Variants in RUVBL2 observed in about 807,000 individuals in gnomAD.
RUVBL2 encodes RuvB like AAA ATPase 2.
Under a neutral mutation model 57.9 loss-of-function variants are expected in RUVBL2, and 9 were observed. The ratio of observed to expected loss-of-function variants is 0.16; its 90% CI spans 0.09 to 0.27. The LOEUF (loss-of-function observed/expected upper bound fraction) is 0.27, where lower values mean the gene tolerates loss of function less well. Ranked by LOEUF, RUVBL2 falls within the 10% of genes least tolerant of loss-of-function variation. RUVBL2 has a pLI of 1.00. For synonymous variants in RUVBL2, 278 were observed against 264.6 expected (o/e 1.05, Z -0.49); for missense variants, 456 against 669.6 (o/e 0.68, Z 3.52).
At chr19:49,014,640 G>C in intron 12 of RUVBL2, 37 bp downstream of exon 12, 1 of 1,612,026 alleles carries the variant, frequency 6.2e-7, no homozygotes, top group Non-Finnish European at 8.5e-7. Context: ...TGAGACGCAG[G>C]GCTGGGGTCT....
intron 1 of RUVBL2, among the ~76,000 whole-genome samples, chr19:48,997,586 G>A (rs1016733604): frequency 7.4e-5 from 11 of 147,706 alleles, no homozygotes; most frequent in African/African-American, 2.3e-4. Flanking sequence ...CCAAGATTGC[G>A]CCATTGCACT....
chr19:49,013,838 C>T (rs955292289), intron 11 of RUVBL2, among the ~76,000 whole-genome samples: 1 of 152,182 alleles, frequency 6.6e-6, no homozygotes, highest in African/African-American at 2.4e-5. Flanking sequence ...CGGTTGAACC[C>T]GGGAGGCGGA....
chr19:49,014,076 C>T (rs1201617554), intron 11 of RUVBL2, among the ~76,000 whole-genome samples: 4 of 152,216 alleles, frequency 2.6e-5, no homozygotes, highest in Non-Finnish European at 5.9e-5. Context: ...GGAGTGTTCA[C>T]GATGACTTTC....
rs1473283282 is a variant in RUVBL2 at position 49,011,989 on chromosome 19, T to C, written c.1001+679T>C. Among the ~76,000 whole-genome samples the C allele has an allele frequency of 1.3e-5, 2 of 152,150 alleles. No individual in the cohort carries two copies. The highest frequency in any genetic ancestry group is 4.8e-5 in the African/African-American group (2 of 41,424). On this transcript the variant is annotated intron_variant, in intron 11 of 14. Coordinates refer to ENST00000595090, the MANE Select transcript of RUVBL2 (RefSeq NM_006666.3). The surrounding 1 kb of genome is among the most constrained non-coding windows in gnomAD (Gnocchi z 4.4). ...CCTGCCACCATGCCCGCTGGCTGTC[T>C]TCTCCACCTCGCCACATTTTGGCCC...
At chr19:48,999,832 A>G (rs1456909964) in intron 2 of RUVBL2, among the ~76,000 whole-genome samples, 1 of 152,166 alleles carries the variant, frequency 6.6e-6, no homozygotes, top group Non-Finnish European at 1.5e-5. Context: ...TAGCCGCATG[A>G]GGTGCATATT....
intron 9 of RUVBL2, 27 bp from the exon 10 acceptor site, chr19:49,010,972 C>T: frequency 6.3e-7 from 1 of 1,598,104 alleles, no homozygotes; most frequent in South Asian, 1.1e-5. Context: ...TCTCTGGCTT[C>T]CCTGATGCAA....
intron 6 of RUVBL2, among the ~76,000 whole-genome samples, chr19:49,007,869 C>T (rs530543868): frequency 5.7e-4 from 86 of 152,146 alleles, no homozygotes; most frequent in African/African-American, 1.8e-3. Context: ...CCACCACGCC[C>T]GGCTAATTTT....
intron 8 of RUVBL2, 197 bp from the exon 9 acceptor site, chr19:49,010,291 C>A (rs893493186): frequency 1.5e-6 from 1 of 679,188 alleles, no homozygotes; most frequent in South Asian, 1.9e-5. Context: ...CCTCCGGGAG[C>A]CCCCGTGACC....
At chr19:48,993,546 T>C (rs2038986978), upstream of RUVBL2, 9 of 451,098 alleles carry the variant, frequency 2.0e-5, no homozygotes, top group Non-Finnish European at 4.1e-6. Context: ...AATCTGGAGC[T>C]GGAGGCCTCA....
rs2039131251 is a variant in RUVBL2, at chr19:48,999,346, C to T, written c.40C>T (p.Arg14Cys). Residue 14 changes from arginine (R) to cysteine (C), a missense_variant, in exon 2 of 15, where the codon CGT (arginine) becomes TGT (cysteine). By Grantham distance (180) the Arg-to-Cys change is radical. This residue lies in a region of RUVBL2 where 22 missense variants were observed against 23.9 expected (regional missense o/e 0.92). Transcript: ENST00000595090. ...AGCCACAACCAAAGTCCCGGAGATC[C>T]GTGATGTAACAAGGATTGAGCGAAT... ...VTATTKVPEI[R>C]DVTRIERIGA... The T allele has an allele frequency of 8.1e-6, 13 of 1,614,140 alleles. No homozygotes were observed. The highest frequency in any genetic ancestry group is 5.3e-5 in the African/African-American group (4 of 75,026).
At chr19:48,993,531 CTGTCAATCTG>C (rs1330405733), upstream of RUVBL2, 1 of 445,718 alleles carries the variant, frequency 2.2e-6, no homozygotes, top group South Asian at 2.2e-5. Context: ...GCCTTCAGCT[CTGTCAATCTG>C]GAGCTGGAGG....
chr19:49,001,002 T>C (rs2039167820), intron 2 of RUVBL2, among the ~76,000 whole-genome samples: 1 of 150,210 alleles, frequency 6.7e-6, no homozygotes, highest in Non-Finnish European at 1.5e-5. Flanking sequence ...AAAAAAAAAA[T>C]AAAAAAATTA....
chr19:49,010,622 T>TCCTGCCCTGCCCTGCCCTGCCCTGC lies in RUVBL2; in HGVS notation c.787+14_787+38dup. 1 of 1,613,156 alleles carries TCCTGCCCTGCCCTGCCCTGCCCTGC rather than the reference T, an allele frequency of 6.2e-7. No homozygotes were observed. ...TGGCGCTCTTCTCAGGTGAGGCCCC[T>TCCTGCCCTGCCCTGCCCTGCCCTGC]CCTGCCCTGCCCTGCCCTGCCCTGC... On this transcript the variant is annotated intron_variant, in intron 9 of 14. Coordinates refer to ENST00000595090, the MANE Select transcript of RUVBL2 (RefSeq NM_006666.3).
intron 4 of RUVBL2, among the ~76,000 whole-genome samples, chr19:49,006,437 G>GTGCC (rs1001678020): frequency 5.3e-5 from 8 of 152,204 alleles, no homozygotes; most frequent in African/African-American, 9.6e-5. Flanking sequence ...CTGAGCACCA[G>GTGCC]TGCCTGCCTG....
rs373122189 is a variant in RUVBL2 at position 49,011,309 on chromosome 19, C to A, written c.1000C>A (p.Arg334=). ...LIMATNRGIT[R]IRGTSYQSPH... is the part of the protein sequence containing the mutation. ...CATGGCCACCAACCGTGGCATCACG[C>A]GGTGAGCCGGCTACAGGGGCCTCTG... The change falls in exon 11 of 15, where the codon CGA becomes AGA. Residue 334 remains arginine, a splice_region_variant and synonymous_variant. Transcript: ENST00000595090. This position sits in a 1 kb window ranked among gnomAD's most constrained non-coding sequence, Gnocchi z 4.4. The A allele has an allele frequency of 1.7e-5, 27 of 1,612,532 alleles. No homozygotes were observed. The African/African-American group carries it at 3.2e-4, about 19-fold the overall frequency.
chr19:48,995,636 C>G (rs148548181), intron 1 of RUVBL2, among the ~76,000 whole-genome samples: 3 of 151,566 alleles, frequency 2.0e-5, no homozygotes, highest in African/African-American at 7.3e-5. Context: ...ATTGCTTGAG[C>G]CCAGGAATTT....
At chr19:48,993,608 G>C, upstream of RUVBL2, 2 of 542,960 alleles carry the variant, frequency 3.7e-6, no homozygotes, top group East Asian at 3.2e-5. Flanking sequence ...CGTGGAGGAC[G>C]TGTGGTTACT....
At chr19:49,009,930 TG>T (rs2039373715) in intron 7 of RUVBL2, 42 bp from the exon 8 acceptor site, 2 of 1,611,586 alleles carry the variant, frequency 1.2e-6, no homozygotes, top group African/African-American at 1.3e-5. Flanking sequence ...TGGGCGAGCT[TG>T]GGCCCATTCC....
At chr19:49,000,477 CGAG>C (rs2039157306) in intron 2 of RUVBL2, among the ~76,000 whole-genome samples, 1 of 152,040 alleles carries the variant, frequency 6.6e-6, no homozygotes, top group Non-Finnish European at 1.5e-5. Flanking sequence ...ATTGCTTGAA[CGAG>C]GAGGTGGAGG....
Sources: allele counts gnomAD v4.1 joint callset (sites outside exome capture counted in the v4.1 genomes callset), GRCh38; gene constraint gnomAD v4.1.1; regional missense constraint gnomAD v4.1.1; non-coding constraint Gnocchi (gnomAD v3.1); transcripts MANE v1.5; gene names NCBI Gene and HGNC (gene_info 2026-07-23, HGNC 2026-07-21).